Variants in ANXA4 observed in about 807,000 individuals in gnomAD.
The protein encoded by ANXA4 is annexin A4.
In ANXA4, 39 loss-of-function variants were observed where a neutral mutation model predicts 49.8. The observed-to-expected ratio is 0.78, with a 90% CI of 0.61 to 1.02. ANXA4 has a LOEUF of 1.02. Among genes scored for constraint, ANXA4 ranks in the 50% least tolerant of loss-of-function variants. ANXA4 has a pLI of 0.00. For synonymous variants in ANXA4, 134 were observed against 152.5 expected (o/e 0.88, Z 0.89); for missense variants, 360 against 410.1 (o/e 0.88, Z 1.05).
intron 5 of ANXA4, among the ~76,000 whole-genome samples, chr2:69,807,177 G>A (rs1270562893): frequency 6.6e-6 from 1 of 152,102 alleles, no homozygotes; most frequent in African/African-American, 2.4e-5. Context: ...GCTCCTTCCT[G>A]TGGCTCAATG....
chr2:69,671,983 G>A (rs1467477555), intron 2 of ANXA4, among the ~76,000 whole-genome samples: 1 of 152,198 alleles, frequency 6.6e-6, no homozygotes, highest in Non-Finnish European at 1.5e-5. Context: ...TTATGACTCA[G>A]TGATTCAATT....
intron 1 of ANXA4, among the ~76,000 whole-genome samples, chr2:69,746,300 G>C (rs896025585): frequency 1.3e-5 from 2 of 152,134 alleles, no homozygotes; most frequent in Admixed American, 6.5e-5. Flanking sequence ...GTGAGCCACT[G>C]CGCCCGGCCA....
intron 1 of ANXA4, among the ~76,000 whole-genome samples, chr2:69,771,877 CA>C (rs139013935): frequency 0.012 from 1,824 of 152,238 alleles, 25 homozygotes; most frequent in Non-Finnish European, 0.02. Flanking sequence ...AACTTATTTA[CA>C]ACTTATTTTT....
At position 69,810,590 on chromosome 2, in the gene ANXA4, C is replaced by T; in HGVS notation, c.398-4C>T. On this transcript the variant is annotated splice_region_variant and splice_polypyrimidine_tract_variant and intron_variant, in intron 6 of 12. Coordinates refer to ENST00000394295, the MANE Select transcript of ANXA4 (RefSeq NM_001153.5). ...TGAAGTAGCTAATTTCACTCTCTTG[C>T]TAGAATATGGACGGAGCCTTGAAGA... 6.2e-7 allele frequency: 1 copy of T among 1,613,330 alleles called. No individual in the cohort carries two copies. The highest frequency in any genetic ancestry group is 8.5e-7 in the Non-Finnish European group (1 of 1,179,282).
At chr2:69,705,392 C>G (rs1051783231) in intron 2 of ANXA4, among the ~76,000 whole-genome samples, 43 of 152,272 alleles carry the variant, frequency 2.8e-4, no homozygotes, top group African/African-American at 1.0e-3. Flanking sequence ...TTAGTCTCTA[C>G]TTTTTCTACA....
At chr2:69,806,707 T>C (rs1293056982) in intron 5 of ANXA4, among the ~76,000 whole-genome samples, 1 of 152,122 alleles carries the variant, frequency 6.6e-6, no homozygotes, top group Non-Finnish European at 1.5e-5. Flanking sequence ...TGGATGGAGC[T>C]GGAGGTCATT....
intron 1 of ANXA4, among the ~76,000 whole-genome samples, chr2:69,771,454 C>T (rs2105559547): frequency 6.6e-6 from 1 of 152,308 alleles, no homozygotes; most frequent in African/African-American, 2.4e-5. Flanking sequence ...GCCGTTCTTT[C>T]CCATTAAAAT....
At chr2:69,793,793 C>T (rs905087742) in intron 3 of ANXA4, among the ~76,000 whole-genome samples, 5 of 151,364 alleles carry the variant, frequency 3.3e-5, no homozygotes, top group African/African-American at 4.9e-5. Context: ...CCCAGGCCAC[C>T]GGAAGCCATT....
intron 2 of ANXA4, among the ~76,000 whole-genome samples, chr2:69,678,471 G>A (rs973192187): frequency 3.7e-5 from 5 of 136,918 alleles, no homozygotes; most frequent in Admixed American, 3.3e-4. Flanking sequence ...ATGACTCACT[G>A]CAGCCTCAAC....
chr2:69,651,828 G>T (rs1424961042), intron 1 of ANXA4, among the ~76,000 whole-genome samples: 31 of 43,268 alleles, frequency 7.2e-4, no homozygotes, highest in African/African-American at 2.8e-3. Flanking sequence ...GGGGGGGGGG[G>T]GCGGGGAGAC....
chr2:69,705,407 A>G (rs891336188), intron 2 of ANXA4, among the ~76,000 whole-genome samples: 6 of 152,198 alleles, frequency 3.9e-5, no homozygotes, highest in Admixed American at 3.9e-4. Context: ...TCTACAATGA[A>G]TATGTGCTGC....
At chr2:69,740,082 G>A (rs1257158755), upstream of ANXA4, among the ~76,000 whole-genome samples, 1 of 152,218 alleles carries the variant, frequency 6.6e-6, no homozygotes, top group Non-Finnish European at 1.5e-5. Flanking sequence ...GCAGATGGGG[G>A]CAATGAAGGG....
chr2:69,721,570 A>G (rs1011218122), intron 3 of ANXA4, among the ~76,000 whole-genome samples: 1 of 152,094 alleles, frequency 6.6e-6, no homozygotes, highest in South Asian at 2.1e-4. Flanking sequence ...GCACGGTGGA[A>G]CACGCCTGTA....
intron 2 of ANXA4, among the ~76,000 whole-genome samples, chr2:69,786,383 TG>T (rs1672416239): frequency 6.6e-6 from 1 of 152,158 alleles, no homozygotes; most frequent in Non-Finnish European, 1.5e-5. Context: ...CCCCAGATCT[TG>T]GCCCAGGCTC....
At chr2:69,788,197 C>T in intron 3 of ANXA4, 56 bp downstream of exon 3, 1 of 1,501,210 alleles carries the variant, frequency 6.7e-7, no homozygotes, top group Non-Finnish European at 9.3e-7. Flanking sequence ...CACAGGGTCA[C>T]ACAGGAGGGT....
intron 7 of ANXA4, chr2:69,810,896 G>C: frequency 1.9e-6 from 1 of 536,672 alleles, no homozygotes. Context: ...CCTAACACCT[G>C]CCAGGTCCCC....
At position 69,804,567 on chromosome 2, in the gene ANXA4, C is replaced by T. The variant is rs189357504; in HGVS notation, c.132C>T (p.Ala44=). Residue 44 remains alanine (A), a synonymous_variant, in exon 4 of 13, where the codon GCC becomes GCT. Transcript: ENST00000394295. ...TDEDAIISVL[A]YRNTAQRQEI... Reference sequence around the variant, plus strand: ...AAGACGCCATTATTAGCGTCCTTGCCTACCGCAACACCGCCCAGCGCCAGG... The same window carrying T: ...AAGACGCCATTATTAGCGTCCTTGCTTACCGCAACACCGCCCAGCGCCAGG... The T allele has an allele frequency of 6.2e-7, 1 of 1,613,864 alleles. No homozygotes were observed. The highest frequency in any genetic ancestry group is 8.5e-7 in the Non-Finnish European group (1 of 1,179,970).
At chr2:69,746,703 G>A (rs1008738818) in intron 1 of ANXA4, among the ~76,000 whole-genome samples, 4 of 151,902 alleles carry the variant, frequency 2.6e-5, no homozygotes, top group African/African-American at 9.7e-5. Context: ...ACTGCTTGAC[G>A]TGAAAAAACA....
chr2:69,779,737 G>A (rs1033505460), intron 1 of ANXA4, among the ~76,000 whole-genome samples: 4 of 152,266 alleles, frequency 2.6e-5, no homozygotes, highest in East Asian at 3.9e-4. Context: ...CTCCTCAGCC[G>A]GCCGTGCAAG....
Sources: gnomAD v4.1 joint callset for allele counts (sites outside exome capture counted in the v4.1 genomes callset) on GRCh38, gnomAD v4.1.1 for gene constraint, MANE v1.5 for transcripts, NCBI Gene and HGNC (gene_info 2026-07-23, HGNC 2026-07-21) for gene names.